Variants in GORASP2 observed in about 807,000 individuals in gnomAD.
GORASP2 encodes golgi reassembly stacking protein 2, also known as Golgi reassembly-stacking protein 2.
A neutral mutation model predicts 45.7 loss-of-function variants in GORASP2; 22 were observed. That is an observed-to-expected ratio of 0.48 (90% CI 0.34 to 0.69). GORASP2 has a LOEUF of 0.69. GORASP2 is among the 30% of genes least tolerant of loss of function. GORASP2 has a pLI of 0.01. For missense variants in GORASP2, 491 were observed against 562.7 expected (o/e 0.87, Z 1.29); for synonymous variants, 221 against 215.6 (o/e 1.02, Z -0.22).
intron 7 of GORASP2, among the ~76,000 whole-genome samples, chr2:170,959,787 C>G (rs545948024): frequency 3.3e-5 from 5 of 150,880 alleles, no homozygotes; most frequent in African/African-American, 1.2e-4. Context: ...ATCATTGTGA[C>G]CTGCTTGATT....
At chr2:170,932,023 C>G (rs1703836960) in intron 1 of GORASP2, among the ~76,000 whole-genome samples, 1 of 152,158 alleles carries the variant, frequency 6.6e-6, no homozygotes, top group Non-Finnish European at 1.5e-5. Flanking sequence ...GTCAGGAGTT[C>G]GAGACCAGCC....
intron 7 of GORASP2, among the ~76,000 whole-genome samples, chr2:170,958,759 G>C (rs1040272742): frequency 3.0e-4 from 45 of 149,916 alleles, no homozygotes; most frequent in Admixed American, 2.0e-4. Context: ...CTGGCTCCCA[G>C]GTTCAAGCAG....
chr2:170,956,484 A>G lies in GORASP2; in HGVS notation c.748A>G (p.Thr250Ala), dbSNP rs768617183. The change falls in exon 7 of 10, where the codon ACA becomes GCA. Residue 250 changes from threonine to alanine, a missense_variant. Transcript: ENST00000234160. Reference sequence around the variant, plus strand: ...CCCGTCTTTGTCACCACCAGGAACTACAGGAATTGAACAGAGTCTGACTGG... The same window carrying G: ...CCCGTCTTTGTCACCACCAGGAACTGCAGGAATTGAACAGAGTCTGACTGG... Reference protein sequence around the residue: ...NPPSLSPPGTTGIEQSLTGLS... With the variant: ...NPPSLSPPGTAGIEQSLTGLS... 2 of 1,613,446 alleles carry G rather than the reference A, an allele frequency of 1.2e-6. No individual in the cohort carries two copies. The highest frequency in any genetic ancestry group is 8.5e-7 in the Non-Finnish European group (1 of 1,179,472).
chr2:170,938,383 G>A (rs1446078414), intron 1 of GORASP2, among the ~76,000 whole-genome samples: 3 of 152,152 alleles, frequency 2.0e-5, no homozygotes, highest in African/African-American at 7.2e-5. Flanking sequence ...TGTTTAAAAC[G>A]TAAGTTTGAG....
chr2:170,931,079 A>T (rs1379278633), intron 1 of GORASP2, among the ~76,000 whole-genome samples: 1 of 151,800 alleles, frequency 6.6e-6, no homozygotes, highest in Non-Finnish European at 1.5e-5. Flanking sequence ...TATTTTCTTT[A>T]TGTAAGTGCA....
At chr2:170,962,019 A>G (rs1309405496) in intron 8 of GORASP2, among the ~76,000 whole-genome samples, 1 of 152,194 alleles carries the variant, frequency 6.6e-6, no homozygotes, top group African/African-American at 2.4e-5. Flanking sequence ...CTGCAGCTCT[A>G]CAGTGCAGCA....
intron 1 of GORASP2, among the ~76,000 whole-genome samples, chr2:170,931,612 G>C (rs1703824748): frequency 6.6e-6 from 1 of 152,096 alleles, no homozygotes; most frequent in African/African-American, 2.4e-5. Flanking sequence ...ATGATTGACT[G>C]GGTTTTGAAA....
Position 170,949,648 on chromosome 2 carries a change from C to T in GORASP2, c.254C>T (p.Thr85Ile), listed in dbSNP as rs1704254073. The T allele has an allele frequency of 6.2e-7, 1 of 1,614,084 alleles. No individual in the cohort carries two copies. Among genetic ancestry groups the T allele is most frequent in the Non-Finnish European group, 8.5e-7 (1 of 1,179,930 alleles). ...TTGGAACTGCGAGAGACCTCAGTCACACCAAGTAACCTGTGGGGCGGCCAG... is the reference window on the plus strand; with the variant it reads ...TTGGAACTGCGAGAGACCTCAGTCATACCAAGTAACCTGTGGGGCGGCCAG... Reference protein sequence around the residue: ...KTLELRETSVTPSNLWGGQGL... With the variant: ...KTLELRETSVIPSNLWGGQGL... Residue 85 changes from threonine to isoleucine, a missense_variant, in exon 3 of 10, where the codon ACA becomes ATA. Thr to Ile is a moderately conservative substitution (Grantham distance 89, BLOSUM62 -1). Transcript: ENST00000234160.
intron 1 of GORASP2, among the ~76,000 whole-genome samples, chr2:170,931,623 T>G (rs1282062806): frequency 6.6e-6 from 1 of 152,246 alleles, no homozygotes; most frequent in Non-Finnish European, 1.5e-5. Context: ...GGTTTTGAAA[T>G]ACCAATTATA....
intron 1 of GORASP2, among the ~76,000 whole-genome samples, chr2:170,938,630 A>C (rs1704008121): frequency 6.6e-6 from 1 of 152,242 alleles, no homozygotes; most frequent in East Asian, 1.9e-4. Flanking sequence ...GAATCTATAG[A>C]TAGCTTAGCA....
At chr2:170,938,905 A>G (rs1704014094) in intron 1 of GORASP2, among the ~76,000 whole-genome samples, 1 of 152,186 alleles carries the variant, frequency 6.6e-6, no homozygotes, top group Non-Finnish European at 1.5e-5. Context: ...AGGCAGGAGA[A>G]TTACTTAAAC....
At chr2:170,948,544 C>G (rs1704228232) in intron 2 of GORASP2, 114 bp downstream of exon 2, 2 of 604,730 alleles carry the variant, frequency 3.3e-6, no homozygotes, top group South Asian at 4.2e-5. Context: ...GTGTAGTATG[C>G]CAATTTATAG....
At chr2:170,930,986 A>T (rs1703809224) in intron 1 of GORASP2, among the ~76,000 whole-genome samples, 1 of 124,482 alleles carries the variant, frequency 8.0e-6, no homozygotes, top group African/African-American at 2.5e-5. Context: ...AAAAAAAAAA[A>T]AAAAGTCGCG....
At chr2:170,941,891 C>G (rs1025018705) in intron 1 of GORASP2, among the ~76,000 whole-genome samples, 1 of 152,110 alleles carries the variant, frequency 6.6e-6, no homozygotes, top group Non-Finnish European at 1.5e-5. Flanking sequence ...TTGGAATATA[C>G]GGTCAAAAGG....
intron 1 of GORASP2, 180 bp downstream of exon 1, chr2:170,929,583 C>T: frequency 1.7e-6 from 1 of 574,434 alleles, no homozygotes; most frequent in Non-Finnish European, 3.1e-6. Flanking sequence ...CCCACCTCCG[C>T]GGAGCGCCCT....
Position 170,966,341 on chromosome 2 carries a change from T to C in GORASP2, c.*211T>C. 5.2e-6 allele frequency: 3 copies of C among 578,740 alleles called. No individual in the cohort carries two copies. In the South Asian group the frequency reaches 6.2e-5, roughly 12 times the overall value. 35.9% of individuals were successfully genotyped at this position (578,740 alleles called of 1,614,324 possible). Reference sequence around the variant, plus strand: ...AGGGTGAGATGTCAGAAAGCGCTTGTATTTTAAACAACCAAAAAGAATTGT... The same window carrying C: ...AGGGTGAGATGTCAGAAAGCGCTTGCATTTTAAACAACCAAAAAGAATTGT... On this transcript the variant is annotated 3_prime_UTR_variant, in exon 10 of 10. Transcript: ENST00000234160.
chr2:170,966,379 C>T lies in GORASP2; in HGVS notation c.*249C>T. ...CAAAAAGAATTGTAAGGGTGGCTTG[C>T]TGCCAGGCTTGCACTGCCGTTCCTG... On this transcript the variant is annotated 3_prime_UTR_variant, in exon 10 of 10. Coordinates refer to ENST00000234160, the MANE Select transcript of GORASP2 (RefSeq NM_015530.5). 2 of 536,992 alleles carry T rather than the reference C, an allele frequency of 3.7e-6. No individual in the cohort carries two copies. Among genetic ancestry groups the T allele is most frequent in the Non-Finnish European group, 6.7e-6 (2 of 299,318 alleles). 33.3% of individuals were successfully genotyped at this position (536,992 alleles called of 1,614,324 possible). A position where few individuals can be genotyped will look rare whatever the true frequency, so the allele number is the denominator to read the frequency against.
At chr2:170,947,067 G>A (rs963413008) in intron 1 of GORASP2, among the ~76,000 whole-genome samples, 1 of 152,090 alleles carries the variant, frequency 6.6e-6, no homozygotes, top group African/African-American at 2.4e-5. Flanking sequence ...AAAATCCCTG[G>A]TTTTTAAACC....
rs1217804704 is a variant in GORASP2, at chr2:170,929,291, G to A, written c.-50G>A. 16 of 1,304,296 alleles carry A rather than the reference G, an allele frequency of 1.2e-5. No homozygotes were observed. Among genetic ancestry groups the A allele is most frequent in the South Asian group, 3.9e-5 (2 of 50,780 alleles). The allele number at this position is 1,304,296 out of a possible 1,614,324, so 80.8% of individuals were successfully genotyped here. ...AGGATTAGAGCAGGCGGTGCGCTGGGGGCGGGAGCAGCGCGGAGCCCGGCT... is the reference window on the plus strand; with the variant it reads ...AGGATTAGAGCAGGCGGTGCGCTGGAGGCGGGAGCAGCGCGGAGCCCGGCT... On this transcript the variant is annotated 5_prime_UTR_variant, in exon 1 of 10. Coordinates refer to ENST00000234160, the MANE Select transcript of GORASP2 (RefSeq NM_015530.5).
Sources: allele counts gnomAD v4.1 joint callset (sites outside exome capture counted in the v4.1 genomes callset), GRCh38; gene constraint gnomAD v4.1.1; transcripts MANE v1.5; gene names NCBI Gene and HGNC (gene_info 2026-07-23, HGNC 2026-07-21).